FMNL3: variants seen among roughly 807,000 people sequenced by gnomAD.
The protein encoded by FMNL3 is formin like 3.
FMNL3 carries 57 observed loss-of-function variants against 119.6 expected under a neutral mutation model. That is an observed-to-expected ratio of 0.48 (90% CI 0.39 to 0.59). The LOEUF (loss-of-function observed/expected upper bound fraction) is 0.59, where lower values mean the gene tolerates loss of function less well. Among genes scored for constraint, FMNL3 ranks in the 20% least tolerant of loss-of-function variants. FMNL3 has a pLI of 0.00. For synonymous variants in FMNL3, 491 were observed against 507.3 expected, an observed-to-expected ratio of 0.97 and a Z score of 0.43; for missense variants, 1,053 against 1,323.5, an observed-to-expected ratio of 0.80 and a Z score of 3.17.
intron 1 of FMNL3, among the ~76,000 whole-genome samples, chr12:49,700,929 A>G (rs1944892367): frequency 6.6e-6 from 1 of 151,348 alleles, no homozygotes; most frequent in African/African-American, 2.4e-5. Flanking sequence ...ATACAAAAAA[A>G]TTAGCCAGGC....
At chr12:49,657,916 G>A (rs114175706) in intron 6 of FMNL3, among the ~76,000 whole-genome samples, 2,776 of 152,202 alleles carry the variant, frequency 0.018, 51 homozygotes, top group East Asian at 0.078. Flanking sequence ...CAGGCAGGGC[G>A]GCTCTTAAGA....
chr12:49,659,949 T>C (rs1943684993), intron 5 of FMNL3: 1 of 985,202 alleles, frequency 1.0e-6, no homozygotes, highest in African/African-American at 1.7e-5. Flanking sequence ...GGCACAGAGG[T>C]TGAGGCTTTC....
At chr12:49,690,417 T>G (rs902316759) in intron 1 of FMNL3, among the ~76,000 whole-genome samples, 33 of 152,204 alleles carry the variant, frequency 2.2e-4, no homozygotes, top group Non-Finnish European at 4.0e-4. Flanking sequence ...CAACCTGTTC[T>G]TTGCCTTCCA....
chr12:49,647,135 C>A lies in FMNL3; in HGVS notation c.2872-126G>T, dbSNP rs1943227802. ...TGCTAGGAATCCCCAAAGGCCCTCC[C>A]TCCATCCCTCTGGATGCCAGCCCAC... On this transcript the variant is annotated intron_variant, in intron 24 of 25. Coordinates refer to ENST00000335154, the MANE Select transcript of FMNL3 (RefSeq NM_175736.5). This position sits in a 1 kb window ranked among gnomAD's most constrained non-coding sequence, Gnocchi z 4.9. The A allele has an allele frequency of 1.9e-6, 3 of 1,558,006 alleles. No individual in the cohort carries two copies. In the African/African-American group the frequency reaches 4.1e-5, roughly 21 times the overall value.
chr12:49,686,683 C>T (rs758697731), intron 1 of FMNL3, among the ~76,000 whole-genome samples: 17 of 152,082 alleles, frequency 1.1e-4, no homozygotes, highest in Non-Finnish European at 2.1e-4. Context: ...ACACTCCTTG[C>T]AGCTGCTTCC....
At chr12:49,701,688 G>C (rs1944913524) in intron 1 of FMNL3, among the ~76,000 whole-genome samples, 1 of 152,032 alleles carries the variant, frequency 6.6e-6, no homozygotes, top group African/African-American at 2.4e-5. Flanking sequence ...TTGGGAGGCC[G>C]AGGTGGGCAG....
Position 49,652,038 on chromosome 12 carries a change from G to T in FMNL3, c.1498C>A (p.Pro500Thr). The change falls in exon 14 of 26, where the codon CCC becomes ACC. Residue 500 changes from proline to threonine, a missense_variant. Transcript: ENST00000335154. ...GPAELSEGMP[P>T]SDLDLLAPAP... is the part of the protein sequence containing the mutation. The stretch of plus-strand genomic sequence containing the variant: ...GGAGCCAGAAGGTCCAGGTCGGAGG[G>T]TGGCATGCCCTCACTCAGCTCTGCA... 1.2e-6 allele frequency: 2 copies of T among 1,610,318 alleles called. No homozygotes were observed. The highest frequency in any genetic ancestry group is 1.7e-6 in the Non-Finnish European group (2 of 1,178,356).
chr12:49,702,696 A>AAG (rs765099675), intron 1 of FMNL3, among the ~76,000 whole-genome samples: 7 of 152,244 alleles, frequency 4.6e-5, no homozygotes, highest in Non-Finnish European at 7.4e-5. Flanking sequence ...TCAAGGGAAT[A>AAG]AGACTCCTCT....
chr12:49,650,563 G>A, intron 17 of FMNL3, 113 bp downstream of exon 17: 3 of 1,175,702 alleles, frequency 2.6e-6, no homozygotes, highest in Admixed American at 2.1e-5. Context: ...TGACTAGGGG[G>A]ATGTGAGGGA....
chr12:49,642,154 T>C lies in FMNL3; in HGVS notation c.*3661A>G, dbSNP rs1014477074. ...GTGGTAGAAGCCCAGACCCTAACTT[T>C]CCACCTCCTAAGGTATGCCTGAGTG... On this transcript the variant is annotated 3_prime_UTR_variant, in exon 26 of 26. Transcript: ENST00000335154. The surrounding 1 kb of genome is among the most constrained non-coding windows in gnomAD (Gnocchi z 5.8). 6.8e-6 allele frequency: 11 copies of C among 1,609,132 alleles called. No homozygotes were observed. The highest frequency in any genetic ancestry group is 9.3e-6 in the Non-Finnish European group (11 of 1,176,650).
intron 21 of FMNL3, 83 bp downstream of exon 21, chr12:49,648,946 C>G: frequency 6.6e-7 from 1 of 1,509,822 alleles, no homozygotes; most frequent in Non-Finnish European, 8.8e-7. Flanking sequence ...CAAATGGACC[C>G]AAGTGTTCTC....
Position 49,645,605 on chromosome 12 carries a change from C to T in FMNL3, c.*210G>A. 1 of 521,882 alleles carries T rather than the reference C, an allele frequency of 1.9e-6. No homozygotes were observed. The highest frequency in any genetic ancestry group is 3.3e-6 in the Non-Finnish European group (1 of 299,722). 32.3% of individuals were successfully genotyped at this position (521,882 alleles called of 1,614,324 possible). A position where few individuals can be genotyped will look rare whatever the true frequency, so the allele number is the denominator to read the frequency against. ...CCCTTCAGGAAATGAAGTCAAAGAC[C>T]TTGGGGGCAAAGTGCAGTACTGGAA... is the stretch of plus-strand genomic sequence containing the variant. On this transcript the variant is annotated 3_prime_UTR_variant, in exon 26 of 26. Transcript: ENST00000335154.
rs1012743291 is a variant in FMNL3, at chr12:49,647,614, C to T, written c.2778+89G>A. On this transcript the variant is annotated intron_variant, in intron 23 of 25. Transcript: ENST00000335154. The surrounding 1 kb of genome is among the most constrained non-coding windows in gnomAD (Gnocchi z 4.9). Reference sequence around the variant, plus strand: ...CCTTCCCAGGACTCGGAGGAGGAGTCGGAAAAGGCCCATACTTTAAGCCCA... The same window carrying T: ...CCTTCCCAGGACTCGGAGGAGGAGTTGGAAAAGGCCCATACTTTAAGCCCA... 2.1e-5 allele frequency: 25 copies of T among 1,209,032 alleles called. No homozygotes were observed. The highest frequency in any genetic ancestry group is 6.0e-5 in the African/African-American group (4 of 66,570). 74.9% of individuals were successfully genotyped at this position (1,209,032 alleles called of 1,614,324 possible). A position where few individuals can be genotyped will look rare whatever the true frequency, so the allele number is the denominator to read the frequency against.
intron 4 of FMNL3, among the ~76,000 whole-genome samples, chr12:49,664,112 G>A (rs1943818435): frequency 1.3e-5 from 2 of 152,244 alleles, no homozygotes; most frequent in South Asian, 4.1e-4. Flanking sequence ...GCTGGGCGTG[G>A]TGGTACACGC....
chr12:49,680,485 T>C (rs1944308130), intron 1 of FMNL3, among the ~76,000 whole-genome samples: 1 of 152,230 alleles, frequency 6.6e-6, no homozygotes. Flanking sequence ...CAGTCTGCTC[T>C]AGATCCATGA....
In FMNL3 at chr12:49,666,130, C is replaced by G. The variant is rs376401152; in HGVS notation, c.288G>C (p.Arg96=). The change falls in exon 3 of 26, where the codon CGG becomes CGC. Residue 96 remains arginine, a synonymous_variant. Coordinates refer to ENST00000335154, the MANE Select transcript of FMNL3 (RefSeq NM_175736.5). ...GACTCTCTGCCTCATACTTCACCTT[C>G]CGAGTTACACTGGGGTCCAAGAAGC... is the stretch of plus-strand genomic sequence containing the variant. ...LQSFLDPSVT[R]KKFRRRVQES... The G allele has an allele frequency of 6.2e-7, 1 of 1,613,796 alleles. No homozygotes were observed. Among genetic ancestry groups the G allele is most frequent in the Non-Finnish European group, 8.5e-7 (1 of 1,179,854 alleles).
chr12:49,646,502 CAAG>C lies in FMNL3; in HGVS notation c.2995+381_2995+383del, dbSNP rs1943194102. ...CACACTTCTCAGAGCATGGGGCATG[CAAG>C]AAGTATGTGTCCCCATTGCTGGGAG... On this transcript the variant is annotated intron_variant, in intron 25 of 25. Transcript: ENST00000335154. 3 of 668,084 alleles carry C rather than the reference CAAG, an allele frequency of 4.5e-6. No homozygotes were observed. In the South Asian group the frequency reaches 5.8e-5, roughly 13 times the overall value. The allele number at this position is 668,084 out of a possible 1,614,324, so 41.4% of individuals were successfully genotyped here.
At chr12:49,683,983 G>T (rs1166520381) in intron 1 of FMNL3, among the ~76,000 whole-genome samples, 1 of 152,022 alleles carries the variant, frequency 6.6e-6, no homozygotes, top group East Asian at 1.9e-4. Flanking sequence ...CCTTCTCTGG[G>T]CAATATTCCC....
Position 49,650,696 on chromosome 12 carries a change from C to T in FMNL3, c.1980G>A (p.Glu660=), listed in dbSNP as rs200589328. 3,011 of 1,613,556 alleles carry T rather than the reference C, an allele frequency of 1.9e-3. 5 individuals carry two copies. Among genetic ancestry groups the T allele is most frequent in the Non-Finnish European group, 2.2e-3 (2,595 of 1,180,010 alleles). ...CTCACGTATGAATGGCCCTGCAGAT[C>T]TCCTCAGCCGAGCGGCCAGCCTTGC... is the stretch of plus-strand genomic sequence containing the variant. The part of the protein sequence containing the change: ...TLRKAGRSAE[E]ICRAIHTFDL... The change falls in exon 17 of 26, where the codon GAG becomes GAA. Residue 660 remains glutamate (E), a synonymous_variant. Transcript: ENST00000335154.
Sources: gnomAD v4.1 joint callset for allele counts (sites outside exome capture counted in the v4.1 genomes callset) on GRCh38, gnomAD v4.1.1 for gene constraint, Gnocchi (gnomAD v3.1) non-coding constraint, MANE v1.5 for transcripts, NCBI Gene and HGNC (gene_info 2026-07-23, HGNC 2026-07-21) for gene names.